The following NELL1 variants were observed in gnomAD, a reference collection of about 807,000 sequenced individuals.
NELL1 encodes neural EGFL like 1.
A neutral mutation model predicts 107.4 loss-of-function variants in NELL1; 76 were observed. The ratio of observed to expected loss-of-function variants is 0.71; its 90% CI spans 0.59 to 0.86. The LOEUF (loss-of-function observed/expected upper bound fraction) is 0.86. NELL1 is among the 40% of genes least tolerant of loss of function. The probability of loss-of-function intolerance (pLI) is 0.00; values close to 1 mark genes in which losing one functional copy is unlikely to be tolerated. For synonymous variants in NELL1, 353 were observed against 341.2 expected, an observed-to-expected ratio of 1.03 and a Z score of -0.38; for missense variants, 1,024 against 1,005.5, an observed-to-expected ratio of 1.02 and a Z score of -0.25.
rs186010766 is a variant in NELL1, at chr11:21,546,820, A to G, written c.1786+12306A>G. Among the ~76,000 whole-genome samples the G allele has an allele frequency of 9.9e-5, 15 of 152,062 alleles. No individual in the cohort carries two copies. In the East Asian group the frequency reaches 2.9e-3, roughly 30 times the overall value. ...GAATATTGAATAGTTTTTTGTTCTT[A>G]CCCTGAGATTACTCAAGCTGCTGTG... On this transcript the variant is annotated intron_variant, in intron 16 of 19. Coordinates refer to ENST00000357134, the MANE Select transcript of NELL1 (RefSeq NM_006157.5).
chr11:20,958,588 C>T (rs1268612719), intron 11 of NELL1, among the ~76,000 whole-genome samples: 2 of 151,994 alleles, frequency 1.3e-5, no homozygotes, highest in African/African-American at 2.4e-5. Context: ...ATAAAATAAC[C>T]GTATACCCAG....
chr11:21,448,390 G>T (rs1853495583), intron 15 of NELL1, among the ~76,000 whole-genome samples: 1 of 152,054 alleles, frequency 6.6e-6, no homozygotes, highest in African/African-American at 2.4e-5. Context: ...TCTACCCAGT[G>T]ATTCTGTATA....
At chr11:21,130,892 G>A (rs12361980) in intron 13 of NELL1, among the ~76,000 whole-genome samples, 3 of 147,442 alleles carry the variant, frequency 2.0e-5, no homozygotes, top group African/African-American at 5.1e-5. Flanking sequence ...ATCTTGTCAC[G>A]GTCCCTAATT....
chr11:20,837,149 T>C (rs1848546954), intron 3 of NELL1, among the ~76,000 whole-genome samples: 1 of 152,122 alleles, frequency 6.6e-6, no homozygotes, highest in African/African-American at 2.4e-5. Flanking sequence ...GACACTTCAC[T>C]TGAGTTGATA....
At chr11:20,793,657 T>C (rs560092657) in intron 3 of NELL1, among the ~76,000 whole-genome samples, 1 of 152,288 alleles carries the variant, frequency 6.6e-6, no homozygotes, top group South Asian at 2.1e-4. Context: ...CCCACTGATA[T>C]TGCTATATAG....
At chr11:21,119,783 CT>C (rs751867456) in intron 13 of NELL1, among the ~76,000 whole-genome samples, 40 of 152,158 alleles carry the variant, frequency 2.6e-4, no homozygotes, top group Non-Finnish European at 5.3e-4. Context: ...CCCCCGTATG[CT>C]TTTGGTTTTT....
chr11:20,934,033 C>T (rs777542354), intron 9 of NELL1, among the ~76,000 whole-genome samples: 14 of 152,074 alleles, frequency 9.2e-5, no homozygotes, highest in Non-Finnish European at 1.8e-4. Context: ...GAAAGATGTT[C>T]GAATGGAGTC....
chr11:20,857,279 G>T (rs964951756), intron 4 of NELL1, among the ~76,000 whole-genome samples: 1 of 152,062 alleles, frequency 6.6e-6, no homozygotes, highest in African/African-American at 2.4e-5. Context: ...GAGAGTCGCT[G>T]AATAAAACCG....
chr11:20,784,085 C>T (rs1306665624), intron 3 of NELL1, among the ~76,000 whole-genome samples: 1 of 152,228 alleles, frequency 6.6e-6, no homozygotes, highest in Non-Finnish European at 1.5e-5. Flanking sequence ...AAATCACATT[C>T]TGTCATATTT....
intron 14 of NELL1, among the ~76,000 whole-genome samples, chr11:21,361,495 G>T (rs1851076205): frequency 1.3e-5 from 2 of 152,036 alleles, no homozygotes; most frequent in East Asian, 1.9e-4. Context: ...AATTTTCCAG[G>T]TGTTCTTTGA....
chr11:21,357,643 A>G (rs1368603638), intron 14 of NELL1, among the ~76,000 whole-genome samples: 2 of 152,090 alleles, frequency 1.3e-5, no homozygotes, highest in Non-Finnish European at 2.9e-5. Flanking sequence ...GAAGCTTTTT[A>G]GTTTAATTAA....
chr11:20,705,131 A>G (rs958694175), intron 2 of NELL1, among the ~76,000 whole-genome samples: 4 of 152,156 alleles, frequency 2.6e-5, no homozygotes, highest in African/African-American at 9.7e-5. Context: ...CAAGCTACCA[A>G]TGGCTTTCTT....
At position 21,161,560 on chromosome 11, in the gene NELL1, C is replaced by A. The variant is rs114784144; in HGVS notation, c.1426+47846C>A. 5.6e-3 allele frequency among the ~76,000 whole-genome samples: 849 copies of A among 152,060 alleles called. 8 individuals are homozygous for A. Among genetic ancestry groups the A allele is most frequent in the African/African-American group, 0.019 (802 of 41,528 alleles). ...TCAAAAAATAAATAAAAAAATAGAA[C>A]TGCTGCCATCTCTTCTTTCCTCTGT... On this transcript the variant is annotated intron_variant, in intron 13 of 19. Coordinates refer to ENST00000357134, the MANE Select transcript of NELL1 (RefSeq NM_006157.5).
intron 13 of NELL1, among the ~76,000 whole-genome samples, chr11:21,167,276 G>A (rs1590698566): frequency 6.6e-6 from 1 of 151,928 alleles, no homozygotes; most frequent in East Asian, 1.9e-4. Flanking sequence ...GGTCCTAAGA[G>A]ACAAGAGAGA....
chr11:20,741,226 G>T (rs1448089509), intron 2 of NELL1, among the ~76,000 whole-genome samples: 2 of 151,872 alleles, frequency 1.3e-5, no homozygotes, highest in African/African-American at 4.8e-5. Context: ...GAGCCTTCTC[G>T]CCCCTCATAG....
chr11:21,364,737 G>A (rs1390644040), intron 14 of NELL1, among the ~76,000 whole-genome samples: 2 of 152,108 alleles, frequency 1.3e-5, no homozygotes, highest in African/African-American at 2.4e-5. Context: ...ATAATAGACA[G>A]GGCAAAAGTC....
chr11:20,731,125 C>T (rs1353243122), intron 2 of NELL1, among the ~76,000 whole-genome samples: 1 of 152,162 alleles, frequency 6.6e-6, no homozygotes, highest in African/African-American at 2.4e-5. Flanking sequence ...GGGCATTTGA[C>T]ACCTACACTA....
Position 21,494,072 on chromosome 11 carries a change from G to T in NELL1, c.1646-40302G>T, listed in dbSNP as rs189512990. 2.6e-5 allele frequency among the ~76,000 whole-genome samples: 4 copies of T among 151,884 alleles called. No individual in the cohort carries two copies. In the East Asian group the frequency reaches 7.7e-4, roughly 29 times the overall value. On this transcript the variant is annotated intron_variant, in intron 15 of 19. Coordinates refer to ENST00000357134, the MANE Select transcript of NELL1 (RefSeq NM_006157.5). ...AATATATTTTCAGGTGTGTGATATT[G>T]ATTTTTACCAAAGCCATTTACATAT...
At chr11:21,529,421 C>T (rs1045852969) in intron 15 of NELL1, among the ~76,000 whole-genome samples, 3 of 152,202 alleles carry the variant, frequency 2.0e-5, no homozygotes, top group African/African-American at 7.2e-5. Context: ...GTTTCTGCCT[C>T]AGGGTCTTTG....
Sources: gnomAD v4.1 joint callset for allele counts (sites outside exome capture counted in the v4.1 genomes callset) on GRCh38, gnomAD v4.1.1 for gene constraint, MANE v1.5 for transcripts, NCBI Gene and HGNC (gene_info 2026-07-23, HGNC 2026-07-21) for gene names.